Variants in ATM observed in about 807,000 individuals in gnomAD.
ATM encodes serine-protein kinase ATM.
In ATM, 308 loss-of-function variants were observed where a neutral mutation model predicts 387.0. The observed-to-expected ratio is 0.80, with a 90% CI of 0.73 to 0.87. ATM has a LOEUF of 0.87. Among genes scored for constraint, ATM ranks in the 40% least tolerant of loss-of-function variants. ATM has a pLI of 0.00. For missense variants in ATM, 3,312 were observed against 3,560.9 expected, an observed-to-expected ratio of 0.93 and a Z score of 1.78; for synonymous variants, 1,156 against 1,187.3, an observed-to-expected ratio of 0.97 and a Z score of 0.54.
intron 4 of ATM, among the ~76,000 whole-genome samples, chr11:108,235,246 A>G (rs557316901): frequency 6.8e-6 from 1 of 147,412 alleles, no homozygotes; most frequent in African/African-American, 2.5e-5. Context: ...CAGTGTGCTG[A>G]GTTTGTGCCA....
rs1064793458 is a variant in ATM, at chr11:108,301,649, G to A, written c.5179G>A (p.Val1727Ile). The A allele has an allele frequency of 4.3e-6, 7 of 1,613,462 alleles. No homozygotes were observed. Among genetic ancestry groups the A allele is most frequent in the Non-Finnish European group, 5.1e-6 (6 of 1,179,634 alleles). Residue 1727 changes from valine (V) to isoleucine (I), a missense_variant and splice_region_variant, in exon 35 of 63, where the codon GTC (valine) becomes ATC (isoleucine). This residue lies in a region of ATM where 1,405 missense variants were observed against 1,604.4 expected (regional missense o/e 0.88). Transcript: ENST00000675843. ...AGGCATTTGAATTGTTTTTTTCAGT[G>A]TCAAAGTTCGATCAGCAGCTGTTAC... is the stretch of plus-strand genomic sequence containing the variant. ...YLNNTLVEDCVKVRSAAVTCL... is the reference protein window; with the variant it reads ...YLNNTLVEDCIKVRSAAVTCL...
intron 54 of ATM, 62 bp from the exon 55 acceptor site, chr11:108,334,906 AT>A: frequency 2.6e-6 from 4 of 1,539,288 alleles, no homozygotes; most frequent in Non-Finnish European, 3.6e-6. Flanking sequence ...TTTATAATGT[AT>A]TTTTCTTTAA....
rs1555071227 is a variant in ATM at position 108,251,046 on chromosome 11, T to C, written c.1581T>C (p.Phe527=). 6.2e-7 allele frequency: 1 copy of C among 1,614,172 alleles called. No individual in the cohort carries two copies. The highest frequency in any genetic ancestry group is 8.5e-7 in the Non-Finnish European group (1 of 1,180,030). Residue 527 remains phenylalanine (F), a synonymous_variant, in exon 10 of 63, where the codon TTT becomes TTC. Coordinates refer to ENST00000675843, the MANE Select transcript of ATM (RefSeq NM_000051.4). ...TTGACAGAGAATTCTGGAAGTTATT[T>C]ACTGGGTCAGCCTGCAGACCTTCAT... ...VEVDREFWKL[F]TGSACRPSCP... is the part of the protein sequence containing the mutation.
chr11:108,253,977 G>A lies in ATM; in HGVS notation c.2062G>A (p.Glu688Lys), dbSNP rs769338089. ...CTTCTCTGTCCACCAGAATCTCAAG[G>A]AATCACTGGATCGCTGTCTTCTGGG... is the stretch of plus-strand genomic sequence containing the variant. ...IGFSVHQNLKESLDRCLLGLS... is the reference protein window; with the variant it reads ...IGFSVHQNLKKSLDRCLLGLS... The change falls in exon 13 of 63, where the codon GAA (glutamate) becomes AAA (lysine). Residue 688 changes from glutamate to lysine, a missense_variant. Physicochemically the swap from Glu to Lys is moderately conservative, Grantham distance 56. Coordinates refer to ENST00000675843, the MANE Select transcript of ATM (RefSeq NM_000051.4). 6.2e-6 allele frequency: 10 copies of A among 1,613,904 alleles called. No individual in the cohort carries two copies. The highest frequency in any genetic ancestry group is 8.5e-6 in the Non-Finnish European group (10 of 1,179,986).
At chr11:108,363,003 C>A (rs2090969160) in intron 61 of ATM, among the ~76,000 whole-genome samples, 1 of 152,000 alleles carries the variant, frequency 6.6e-6, no homozygotes, top group African/African-American at 2.4e-5. Context: ...AAAAAACACA[C>A]CCTCCAATGC....
chr11:108,307,256 T>A (rs1440218419), intron 37 of ATM, among the ~76,000 whole-genome samples: 1 of 152,048 alleles, frequency 6.6e-6, no homozygotes, highest in Non-Finnish European at 1.5e-5. Flanking sequence ...ATCAAGCAAT[T>A]CCCGTGCCTC....
chr11:108,285,443 T>C (rs1407675829), intron 26 of ATM, among the ~76,000 whole-genome samples: 1 of 152,148 alleles, frequency 6.6e-6, no homozygotes, highest in African/African-American at 2.4e-5. Flanking sequence ...ATCATTTATA[T>C]ACATTTCCAA....
At chr11:108,291,670 A>G (rs1226652311) in intron 29 of ATM, among the ~76,000 whole-genome samples, 1 of 152,188 alleles carries the variant, frequency 6.6e-6, no homozygotes, top group African/African-American at 2.4e-5. Context: ...GTGTTTAGAT[A>G]GTGTTTGATA....
chr11:108,282,966 T>TA lies in ATM; in HGVS notation c.3746+88dup, dbSNP rs1430256476. On this transcript the variant is annotated intron_variant, in intron 25 of 62. Transcript: ENST00000675843. Reference sequence around the variant, plus strand: ...CAAGTCCCCTCACCAGCAACACACATACCATACCCATACACATGTGTGTGT... The same window carrying TA: ...CAAGTCCCCTCACCAGCAACACACATAACCATACCCATACACATGTGTGTGT... 3.6e-6 allele frequency: 3 copies of TA among 837,272 alleles called. No homozygotes were observed. In the East Asian group the frequency reaches 8.1e-5, roughly 23 times the overall value. 51.9% of individuals were successfully genotyped at this position (837,272 alleles called of 1,614,324 possible).
At chr11:108,234,060 ATTCCT>A (rs2079150636) in intron 4 of ATM, among the ~76,000 whole-genome samples, 1 of 152,178 alleles carries the variant, frequency 6.6e-6, no homozygotes, top group African/African-American at 2.4e-5. Flanking sequence ...ATAGAGATTA[ATTCCT>A]TTCCTTAAGG....
At chr11:108,247,167 T>G in intron 8 of ATM, 40 bp downstream of exon 8, 1 of 1,610,296 alleles carries the variant, frequency 6.2e-7, no homozygotes, top group Non-Finnish European at 8.5e-7. Flanking sequence ...AAATTTCCTG[T>G]TAATTTTTTT....
At position 108,329,106 on chromosome 11, in the gene ATM, G is replaced by A. The variant is rs876659083; in HGVS notation, c.7175G>A (p.Arg2392Gln). The A allele has an allele frequency of 1.2e-6, 2 of 1,614,000 alleles. No individual in the cohort carries two copies. The highest frequency in any genetic ancestry group is 1.7e-6 in the Non-Finnish European group (2 of 1,179,984). The change falls in exon 49 of 63, where the codon CGG becomes CAG. Residue 2392 changes from arginine (R) to glutamine (Q), a missense_variant. This residue lies in a region of ATM where 1,405 missense variants were observed against 1,604.4 expected (regional missense o/e 0.88). Coordinates refer to ENST00000675843, the MANE Select transcript of ATM (RefSeq NM_000051.4). Reference protein sequence around the residue: ...GKMKAFLSLARFSDTQYQRIE... With the variant: ...GKMKAFLSLAQFSDTQYQRIE... ...ATGAAGGCATTTCTCTCATTAGCCC[G>A]GTTTTCAGATACTCAATACCAAAGA...
At chr11:108,309,755 A>G (rs1290986165) in intron 38 of ATM, among the ~76,000 whole-genome samples, 1 of 152,202 alleles carries the variant, frequency 6.6e-6, no homozygotes, top group East Asian at 1.9e-4. Context: ...CTTAGATGAA[A>G]CAATATTTTT....
At chr11:108,348,439 AAG>A (rs910590305) in intron 59 of ATM, among the ~76,000 whole-genome samples, 33 of 150,996 alleles carry the variant, frequency 2.2e-4, no homozygotes, top group African/African-American at 5.6e-4. Context: ...ATAAGAAAGA[AAG>A]AATATATATA....
chr11:108,350,602 G>A (rs1409756405), intron 59 of ATM, among the ~76,000 whole-genome samples: 1 of 152,186 alleles, frequency 6.6e-6, no homozygotes, highest in Non-Finnish European at 1.5e-5. Flanking sequence ...GGGACAGAGG[G>A]GAAGATTGTG....
At chr11:108,358,148 G>A (rs1365625032) in intron 61 of ATM, among the ~76,000 whole-genome samples, 2 of 150,698 alleles carry the variant, frequency 1.3e-5, no homozygotes, top group South Asian at 4.2e-4. Context: ...TGTGAAGAAT[G>A]CAGAAGCCTC....
At position 108,345,907 on chromosome 11, in the gene ATM, T is replaced by G. The variant is rs2137038817; in HGVS notation, c.8583T>G (p.Ile2861Met). 1 of 1,613,648 alleles carries G rather than the reference T, an allele frequency of 6.2e-7. No homozygotes were observed. ...CGCGCAGTGTAGCTACTTCTTCTAT[T>G]GGTAATCTTCTTGTACATATAGTAG... ...AYTRSVATSSIVGYILGLGDR... is the reference protein window; with the variant it reads ...AYTRSVATSSMVGYILGLGDR... The change falls in exon 58 of 63, where the codon ATT becomes ATG. Residue 2861 changes from isoleucine (I) to methionine (M), a missense_variant and splice_region_variant. This residue lies in a region of ATM where 1,405 missense variants were observed against 1,604.4 expected (regional missense o/e 0.88). Coordinates refer to ENST00000675843, the MANE Select transcript of ATM (RefSeq NM_000051.4).
intron 4 of ATM, among the ~76,000 whole-genome samples, chr11:108,232,506 C>A (rs1591463514): frequency 7.3e-6 from 1 of 137,258 alleles, no homozygotes; most frequent in South Asian, 2.3e-4. Flanking sequence ...AACAAGTAAG[C>A]AAATATTGTT....
Position 108,327,706 on chromosome 11 carries a change from C to T in ATM, c.7037C>T (p.Ala2346Val), listed in dbSNP as rs2085819145. The T allele has an allele frequency of 6.2e-7, 1 of 1,613,980 alleles. No individual in the cohort carries two copies. Among genetic ancestry groups the T allele is most frequent in the Non-Finnish European group, 8.5e-7 (1 of 1,179,962 alleles). Residue 2346 changes from alanine (A) to valine (V), a missense_variant, in exon 48 of 63, where the codon GCA (alanine) becomes GTA (valine). Ala to Val is a moderately conservative substitution (Grantham distance 64, BLOSUM62 0). Transcript: ENST00000675843. ...ECLRVCGNWL[A>V]ETCLENPAVI... ...CTGAGGGTTTGTGGCAACTGGTTAG[C>T]AGAAACGTGCTTAGAAAATCCTGCG...
Sources: allele counts gnomAD v4.1 joint callset (sites outside exome capture counted in the v4.1 genomes callset), GRCh38; gene constraint gnomAD v4.1.1; regional missense constraint gnomAD v4.1.1; transcripts MANE v1.5; gene names NCBI Gene and HGNC (gene_info 2026-07-23, HGNC 2026-07-21).